DMD: variants seen among roughly 807,000 people sequenced by gnomAD.
DMD encodes dystrophin.
In DMD, 63 loss-of-function variants were observed where a neutral mutation model predicts 330.1. That is an observed-to-expected ratio of 0.19 (90% confidence interval 0.16 to 0.24). DMD has a LOEUF of 0.24. DMD is among the 10% of genes least tolerant of loss of function. The pLI is 1.00. For synonymous variants in DMD, 1,223 were observed against 959.8 expected (o/e 1.27, Z -5.07); for missense variants, 3,344 against 2,684.1 (o/e 1.25, Z -5.43).
intron 1 of DMD, among the ~76,000 whole-genome samples, chrX:33,293,058 C>G (rs1171554086): frequency 1.8e-5 from 2 of 111,502 alleles, no homozygotes. Context: ...TTGAGAAGCC[C>G]TTAAATCCAG....
intron 54 of DMD, among the ~76,000 whole-genome samples, chrX:31,643,581 A>T (rs1274540339): frequency 8.9e-6 from 1 of 112,065 alleles, no homozygotes; most frequent in Non-Finnish European, 1.9e-5. Flanking sequence ...AACATTGCAC[A>T]TTTGTTTTGT....
intron 69 of DMD, among the ~76,000 whole-genome samples, chrX:31,179,525 G>C (rs764346948): frequency 8.9e-6 from 1 of 112,313 alleles, no homozygotes; most frequent in East Asian, 2.8e-4. Context: ...GCAAAGTTTA[G>C]AGAAGAGGAG....
chrX:32,665,313 C>A (rs897291105), intron 9 of DMD, among the ~76,000 whole-genome samples: 2 of 110,888 alleles, frequency 1.8e-5, no homozygotes, highest in Non-Finnish European at 3.8e-5. Flanking sequence ...AAATTCTTTT[C>A]TGTACCACTG....
chrX:32,440,909 C>G lies in DMD; in HGVS notation c.3921+271G>C, dbSNP rs66809536. 0.066 allele frequency among the ~76,000 whole-genome samples: 7,342 copies of G among 110,571 alleles called. 525 individuals are homozygous for G. Among genetic ancestry groups the G allele is most frequent in the African/African-American group, 0.21 (6,362 of 30,432 alleles). On this transcript the variant is annotated intron_variant, in intron 28 of 78. Transcript: ENST00000357033. Reference sequence around the variant, plus strand: ...ACACTGTCTTTGCAGGTTTGTGGTACATTTAATTAGGTGAAGCATCTATGT... The same window carrying G: ...ACACTGTCTTTGCAGGTTTGTGGTAGATTTAATTAGGTGAAGCATCTATGT...
At chrX:32,238,053 A>G (rs1323251661) in intron 43 of DMD, among the ~76,000 whole-genome samples, 1 of 111,739 alleles carries the variant, frequency 8.9e-6, no homozygotes, top group African/African-American at 3.3e-5. Context: ...ATTTCTGGGG[A>G]AAAAAGGTTT....
At chrX:32,949,391 T>C (rs113732659) in intron 2 of DMD, among the ~76,000 whole-genome samples, 10,557 of 76,047 alleles carry the variant, frequency 0.14, 1,829 homozygotes, top group African/African-American at 0.47. Flanking sequence ...GATAGATAGA[T>C]AGACAGACAG....
chrX:33,054,283 A>T (rs780113563), intron 1 of DMD, among the ~76,000 whole-genome samples: 1 of 112,240 alleles, frequency 8.9e-6, no homozygotes, highest in Non-Finnish European at 1.9e-5. Flanking sequence ...ATGTCTCTAT[A>T]CACATATCTA....
chrX:33,010,264 A>G (rs867544425), intron 2 of DMD, among the ~76,000 whole-genome samples: 2 of 65,659 alleles, frequency 3.0e-5, no homozygotes, highest in Non-Finnish European at 3.7e-5. Context: ...ATGTACAAAT[A>G]TGTGTGTATA....
At chrX:32,558,257 T>C (rs2050552234) in intron 16 of DMD, among the ~76,000 whole-genome samples, 1 of 111,817 alleles carries the variant, frequency 8.9e-6, no homozygotes, top group Admixed American at 9.6e-5. Flanking sequence ...GTGAATTAAC[T>C]GCACCTGCAA....
intron 44 of DMD, among the ~76,000 whole-genome samples, chrX:32,089,436 C>CTT (rs749585057): frequency 1.1e-3 from 118 of 111,655 alleles, no homozygotes; most frequent in African/African-American, 3.3e-3. Flanking sequence ...TCTCCCTCCA[C>CTT]TTGTGTTCCA....
At chrX:32,386,273 G>A in intron 33 of DMD, 37 bp downstream of exon 33, 1 of 1,201,684 alleles carries the variant, frequency 8.3e-7, no homozygotes, top group Non-Finnish European at 1.1e-6. Flanking sequence ...TATAAGGAAA[G>A]TGGAAAGAAG....
At chrX:32,761,065 G>A (rs993982774) in intron 7 of DMD, among the ~76,000 whole-genome samples, 1 of 111,344 alleles carries the variant, frequency 9.0e-6, no homozygotes, top group Admixed American at 9.6e-5. Flanking sequence ...CTTTTTATTT[G>A]AACTCTTTGG....
chrX:33,303,932 TTTAA>T (rs1268409335), intron 1 of DMD, among the ~76,000 whole-genome samples: 1 of 112,048 alleles, frequency 8.9e-6, no homozygotes, highest in Non-Finnish European at 1.9e-5. Context: ...TTCAAATTTA[TTTAA>T]TGTCTTTTGT....
rs1365701366 is a variant in DMD, at chrX:31,749,398, G to C, written c.7543-19650C>G. ...TATGAATGAGAATATGCGGTGTTTGGTTTTTTGTTCTTGCAATAGTTTACT... is the reference window on the plus strand; with the variant it reads ...TATGAATGAGAATATGCGGTGTTTGCTTTTTTGTTCTTGCAATAGTTTACT... On this transcript the variant is annotated intron_variant, in intron 51 of 78. Transcript: ENST00000357033. 5.0e-5 allele frequency among the ~76,000 whole-genome samples: 5 copies of C among 100,771 alleles called. No homozygotes were observed. In the East Asian group the frequency reaches 9.6e-4, roughly 19 times the overall value. 87.5% of individuals were successfully genotyped at this position (100,771 alleles called of 115,157 possible). A position where few individuals can be genotyped will look rare whatever the true frequency, so the allele number is the denominator to read the frequency against.
chrX:32,088,329 A>G (rs775479150), intron 44 of DMD, among the ~76,000 whole-genome samples: 22 of 110,291 alleles, frequency 2.0e-4, no homozygotes, highest in African/African-American at 6.9e-4. Context: ...GATTTCAGCC[A>G]CTTGTTCGAG....
chrX:31,551,181 G>GAAAAAAA (rs10659535), intron 55 of DMD, among the ~76,000 whole-genome samples: 10 of 75,279 alleles, frequency 1.3e-4, no homozygotes, highest in Admixed American at 8.3e-4. Context: ...TCCATCTCGG[G>GAAAAAAA]AAAAAAAAAA....
chrX:31,554,939 G>T (rs2074715507), intron 55 of DMD, among the ~76,000 whole-genome samples: 1 of 112,021 alleles, frequency 8.9e-6, no homozygotes, highest in African/African-American at 3.2e-5. Flanking sequence ...GGTGCTGTCT[G>T]AAAAGGGATT....
rs182224633 is a variant in DMD, at chrX:31,859,106, T to C, written c.7098+16082A>G. 4.5e-5 allele frequency among the ~76,000 whole-genome samples: 5 copies of C among 111,570 alleles called. No individual in the cohort carries two copies. In the East Asian group the frequency reaches 1.4e-3, roughly 31 times the overall value. ...GCCACAAGGTCAGCAGGGTAGAGAC[T>C]TATCAGGCAGACAAGAGGCACTGTT... On this transcript the variant is annotated intron_variant, in intron 48 of 78. Coordinates refer to ENST00000357033, the MANE Select transcript of DMD (RefSeq NM_004006.3).
At position 32,903,529 on chromosome X, in the gene DMD, T is replaced by C. The variant is rs139991000; in HGVS notation, c.94-53709A>G. On this transcript the variant is annotated intron_variant, in intron 2 of 78. Coordinates refer to ENST00000357033, the MANE Select transcript of DMD (RefSeq NM_004006.3). The stretch of plus-strand genomic sequence containing the variant: ...AGCATTACAGTTACCCAGGGAGCTT[T>C]CTTAAAATGCTCACTCCCAGTCCCT... Among the ~76,000 whole-genome samples, 104 of 111,564 alleles carry C rather than the reference T, an allele frequency of 9.3e-4. 1 individual carries two copies. The East Asian group carries it at 0.024, about 26-fold the overall frequency.
Sources: allele counts gnomAD v4.1 joint callset (sites outside exome capture counted in the v4.1 genomes callset), GRCh38; gene constraint gnomAD v4.1.1; transcripts MANE v1.5; gene names NCBI Gene and HGNC (gene_info 2026-07-23, HGNC 2026-07-21).